The following FAM24B variants were observed in gnomAD, a reference collection of about 807,000 sequenced individuals.
FAM24B encodes protein FAM24B.
A neutral mutation model predicts 2.3 loss-of-function variants in FAM24B; 3 were observed. The observed-to-expected ratio is 1.29, with a 90% CI of 0.59 to 3.32. The LOEUF is 3.32. Among genes scored for constraint, FAM24B ranks in the 30% most tolerant of loss-of-function variants. The probability of loss-of-function intolerance (pLI) is 0.03; values close to 1 mark genes in which losing one functional copy is unlikely to be tolerated. For missense variants in FAM24B, 98 were observed against 117.2 expected (o/e 0.84, Z 0.76); for synonymous variants, 36 against 46.3 (o/e 0.78, Z 0.90).
intron 1 of FAM24B, among the ~76,000 whole-genome samples, chr10:122,861,855 C>T (rs1339496747): frequency 6.6e-6 from 1 of 152,208 alleles, no homozygotes; most frequent in Non-Finnish European, 1.5e-5. Context: ...ATTTTTCCTG[C>T]TCTAACAGTA....
intron 1 of FAM24B, among the ~76,000 whole-genome samples, chr10:122,869,689 G>C (rs979262945): frequency 6.6e-6 from 1 of 152,036 alleles, no homozygotes; most frequent in Non-Finnish European, 1.5e-5. Flanking sequence ...TGACTACTGG[G>C]TACATAACGA....
rs183885729 is a variant in FAM24B at position 122,855,745 on chromosome 10, G to A, written c.-136C>T. The stretch of plus-strand genomic sequence containing the variant: ...ATCCCCTTGTCAGGCATCCTCCAGG[G>A]TCTTCCAACTGCAGCTTCCCATCTC... On this transcript the variant is annotated 5_prime_UTR_variant, in exon 2 of 4. Transcript: ENST00000368898. The A allele has an allele frequency of 6.6e-6, 1 of 152,320 alleles. No homozygotes were observed. Among genetic ancestry groups the A allele is most frequent in the East Asian group, 1.9e-4 (1 of 5,160 alleles). 9.4% of individuals were successfully genotyped at this position (152,320 alleles called of 1,614,324 possible). A position where few individuals can be genotyped will look rare whatever the true frequency, so the allele number is the denominator to read the frequency against.
chr10:122,857,878 C>T (rs1363538778), intron 1 of FAM24B, among the ~76,000 whole-genome samples: 1 of 152,186 alleles, frequency 6.6e-6, no homozygotes, highest in African/African-American at 2.4e-5. Flanking sequence ...TTATGTCCCC[C>T]AAATGGGCTG....
chr10:122,853,658 G>T (rs780431634), intron 2 of FAM24B, among the ~76,000 whole-genome samples: 1 of 152,184 alleles, frequency 6.6e-6, no homozygotes, highest in Admixed American at 6.5e-5. Flanking sequence ...GAAGGGTAGG[G>T]CAAGAGGATT....
intron 1 of FAM24B, among the ~76,000 whole-genome samples, chr10:122,878,588 G>A (rs35494281): frequency 0.073 from 11,130 of 151,896 alleles, 559 homozygotes; most frequent in East Asian, 0.19. Context: ...TCAAGCATCA[G>A]GACAATTGAT....
intron 1 of FAM24B, among the ~76,000 whole-genome samples, chr10:122,878,953 A>T (rs571377661): frequency 6.6e-6 from 1 of 152,274 alleles, no homozygotes; most frequent in East Asian, 1.9e-4. Flanking sequence ...GATGACATGT[A>T]TCAAAGTTAA....
intron 1 of FAM24B, among the ~76,000 whole-genome samples, chr10:122,872,305 T>C (rs1847909225): frequency 6.6e-6 from 1 of 152,122 alleles, no homozygotes; most frequent in Admixed American, 6.5e-5. Context: ...GGAGAGGATG[T>C]GGAGAAACAG....
chr10:122,858,897 A>G (rs1432118661), intron 1 of FAM24B, among the ~76,000 whole-genome samples: 1 of 152,196 alleles, frequency 6.6e-6, no homozygotes, highest in Non-Finnish European at 1.5e-5. Context: ...TGTGAGCAAA[A>G]TCTGAACACG....
chr10:122,872,625 T>C (rs1847915238), intron 1 of FAM24B, among the ~76,000 whole-genome samples: 4 of 152,306 alleles, frequency 2.6e-5, no homozygotes, highest in South Asian at 4.1e-4. Flanking sequence ...GATGAGTTCA[T>C]GTCCTTTGTA....
chr10:122,862,821 G>A (rs1035835788), intron 1 of FAM24B, among the ~76,000 whole-genome samples: 1 of 152,058 alleles, frequency 6.6e-6, no homozygotes, highest in African/African-American at 2.4e-5. Context: ...CTCTCCAGGT[G>A]TCCAAATGGG....
intron 1 of FAM24B, among the ~76,000 whole-genome samples, chr10:122,875,119 G>T (rs1412709764): frequency 6.6e-6 from 1 of 152,066 alleles, no homozygotes; most frequent in Admixed American, 6.6e-5. Context: ...GCAGTTCTTG[G>T]ATAGTCTACT....
chr10:122,873,447 T>C (rs1165683967), intron 1 of FAM24B, among the ~76,000 whole-genome samples: 1 of 152,216 alleles, frequency 6.6e-6, no homozygotes, highest in Non-Finnish European at 1.5e-5. Flanking sequence ...AAAAAGTTCC[T>C]TTCAATACAT....
chr10:122,862,528 C>A (rs1847741500), intron 1 of FAM24B, among the ~76,000 whole-genome samples: 1 of 152,042 alleles, frequency 6.6e-6, no homozygotes, highest in Non-Finnish European at 1.5e-5. Flanking sequence ...CAGTGTATTT[C>A]TTATTTTTCT....
intron 1 of FAM24B, among the ~76,000 whole-genome samples, chr10:122,858,209 A>C (rs1847668739): frequency 6.6e-6 from 1 of 152,222 alleles, no homozygotes; most frequent in African/African-American, 2.4e-5. Flanking sequence ...TACACCATGG[A>C]ATACTATGCA....
intron 2 of FAM24B, chr10:122,850,814 G>T: frequency 3.0e-6 from 1 of 328,552 alleles, no homozygotes; most frequent in East Asian, 6.1e-5. Context: ...GACAAACAGT[G>T]GGAAGAATCT....
At chr10:122,859,313 T>G (rs1033830906) in intron 1 of FAM24B, among the ~76,000 whole-genome samples, 2 of 152,160 alleles carry the variant, frequency 1.3e-5, no homozygotes, top group African/African-American at 4.8e-5. Context: ...AGCTAAGTGG[T>G]TTAATATTCT....
At chr10:122,858,576 G>C (rs1476252666) in intron 1 of FAM24B, among the ~76,000 whole-genome samples, 1 of 151,948 alleles carries the variant, frequency 6.6e-6, no homozygotes, top group Non-Finnish European at 1.5e-5. Context: ...GAGTGTCACT[G>C]TGCCCCTGCG....
chr10:122,862,088 T>C (rs928899339), intron 1 of FAM24B, among the ~76,000 whole-genome samples: 3 of 152,200 alleles, frequency 2.0e-5, no homozygotes, highest in African/African-American at 7.2e-5. Context: ...TTAGCCCTTG[T>C]CTGTTTCTTT....
chr10:122,861,692 T>A (rs1847727377), intron 1 of FAM24B, among the ~76,000 whole-genome samples: 1 of 152,244 alleles, frequency 6.6e-6, no homozygotes, highest in African/African-American at 2.4e-5. Context: ...TCTTTAACTT[T>A]TAGTGCTATT....
Sources: allele counts gnomAD v4.1 joint callset (sites outside exome capture counted in the v4.1 genomes callset), GRCh38; gene constraint gnomAD v4.1.1; transcripts MANE v1.5; gene names NCBI Gene and HGNC (gene_info 2026-07-23, HGNC 2026-07-21).